CPAMD8: variants seen among roughly 807,000 people sequenced by gnomAD.
CPAMD8 encodes C3 and PZP-like alpha-2-macroglobulin domain-containing protein 8.
Under a neutral mutation model 224.7 loss-of-function variants are expected in CPAMD8, and 146 were observed. The ratio of observed to expected loss-of-function variants is 0.65; its 90% confidence interval spans 0.57 to 0.75. CPAMD8 has a LOEUF of 0.75. Ranked by LOEUF, CPAMD8 falls within the 30% of genes least tolerant of loss-of-function variation. The pLI is 0.00. For synonymous variants in CPAMD8, 966 were observed against 1,044.6 expected (o/e 0.92, Z 1.45); for missense variants, 2,301 against 2,537.5 (o/e 0.91, Z 2.00).
Position 16,899,387 on chromosome 19 carries a change from G to A in CPAMD8, c.4848+88C>T. ...GTCTTTTTTATGGTACAAGATACTT[G>A]CAGGGAGCCACACCAGGCAGTGACC... On this transcript the variant is annotated intron_variant, in intron 37 of 41. Coordinates refer to ENST00000443236, the MANE Select transcript of CPAMD8 (RefSeq NM_015692.5). The surrounding 1 kb of genome is among the most constrained non-coding windows in gnomAD (Gnocchi z 5.4). 1.3e-6 allele frequency: 1 copy of A among 746,416 alleles called. No homozygotes were observed. Among genetic ancestry groups the A allele is most frequent in the South Asian group, 1.4e-5 (1 of 71,300 alleles). 46.2% of individuals were successfully genotyped at this position (746,416 alleles called of 1,614,324 possible).
At chr19:17,019,971 C>CTTTTTTTTTTT (rs569150151) in intron 3 of CPAMD8, among the ~76,000 whole-genome samples, 1 of 97,888 alleles carries the variant, frequency 1.0e-5, no homozygotes. Flanking sequence ...TTTTTCTTTT[C>CTTTTTTTTTTT]TTTTTTTTTT....
intron 22 of CPAMD8, among the ~76,000 whole-genome samples, chr19:16,944,439 CCT>C (rs1568507333): frequency 1.3e-5 from 2 of 152,132 alleles, no homozygotes; most frequent in Admixed American, 6.5e-5. Flanking sequence ...CAAGAGTCCC[CCT>C]GTGTGCATTG....
At chr19:16,906,395 T>TTCC (rs1568459746) in intron 30 of CPAMD8, among the ~76,000 whole-genome samples, 30 of 80,192 alleles carry the variant, frequency 3.7e-4, no homozygotes, top group African/African-American at 1.0e-3. Flanking sequence ...TCTTTCTTTC[T>TTCC]TTCTTTCTTT....
At chr19:17,005,134 G>A (rs2056450713) in intron 7 of CPAMD8, among the ~76,000 whole-genome samples, 1 of 149,068 alleles carries the variant, frequency 6.7e-6, no homozygotes, top group Non-Finnish European at 1.5e-5. Context: ...CTCACCAAAG[G>A]TCAGTAGTAC....
At chr19:16,905,879 G>A (rs2052456797) in intron 30 of CPAMD8, among the ~76,000 whole-genome samples, 2 of 152,254 alleles carry the variant, frequency 1.3e-5, no homozygotes, top group African/African-American at 4.8e-5. Flanking sequence ...AGGGATTGGA[G>A]TCCCAGTGGG....
chr19:16,926,729 T>C (rs1356258410), intron 25 of CPAMD8, among the ~76,000 whole-genome samples: 2 of 152,176 alleles, frequency 1.3e-5, no homozygotes, highest in African/African-American at 2.4e-5. Context: ...CCCCAGCTTT[T>C]TCTCCATCTG....
At chr19:16,915,610 T>C (rs1308280199) in intron 27 of CPAMD8, among the ~76,000 whole-genome samples, 1 of 152,104 alleles carries the variant, frequency 6.6e-6, no homozygotes, top group Non-Finnish European at 1.5e-5. Context: ...GAGTAAGAGC[T>C]GGCAAGGCCA....
intron 11 of CPAMD8, among the ~76,000 whole-genome samples, chr19:16,996,795 G>A (rs916081265): frequency 1.3e-5 from 2 of 149,370 alleles, no homozygotes; most frequent in African/African-American, 2.5e-5. Context: ...CTCCAGCCTG[G>A]GCGATGGAGT....
intron 22 of CPAMD8, among the ~76,000 whole-genome samples, chr19:16,941,946 G>A (rs143331916): frequency 1.2e-3 from 183 of 151,988 alleles, no homozygotes; most frequent in Non-Finnish European, 2.0e-3. Flanking sequence ...GCACTCCAGC[G>A]TGGCGACAGA....
chr19:16,953,262 T>G (rs943334328), intron 19 of CPAMD8, among the ~76,000 whole-genome samples: 4 of 151,548 alleles, frequency 2.6e-5, no homozygotes, highest in African/African-American at 9.7e-5. Context: ...TATAAAACTC[T>G]TAGAAGAAAA....
Position 16,977,439 on chromosome 19 carries a change from A to G in CPAMD8, c.1687T>C (p.Tyr563His), listed in dbSNP as rs1243667586. The stretch of plus-strand genomic sequence containing the variant: ...ACCCCTTCTCCATTCTCCCTGACGT[A>G]GAAGACCAGCAGGCGACCAAGGGGG... ...MVPLGRLLVF[Y>H]VRENGEGVAD... is the part of the protein sequence containing the mutation. The change falls in exon 15 of 42, where the codon TAC (tyrosine) becomes CAC (histidine). Residue 563 changes from tyrosine to histidine, a missense_variant. Physicochemically the swap from Tyr to His is moderately conservative, Grantham distance 83. Transcript: ENST00000443236. The G allele has an allele frequency of 4.3e-6, 7 of 1,612,594 alleles. No homozygotes were observed. Among genetic ancestry groups the G allele is most frequent in the Non-Finnish European group, 3.4e-6 (4 of 1,179,016 alleles).
chr19:16,929,001 T>A lies in CPAMD8; in HGVS notation c.3085A>T (p.Ile1029Phe). ...GTTCTGAATTCATCCCAGGAGAGGA[T>A]CTTGGCCGTGTGTGCACTGGCCACG... Reference protein sequence around the residue: ...EPVASAHTAKILSWDEFRTFW... With the variant: ...EPVASAHTAKFLSWDEFRTFW... The change falls in exon 24 of 42, where the codon ATC becomes TTC. Residue 1029 changes from isoleucine to phenylalanine, a missense_variant. By Grantham distance (21) the Ile-to-Phe change is conservative. Coordinates refer to ENST00000443236, the MANE Select transcript of CPAMD8 (RefSeq NM_015692.5). 1 of 1,614,046 alleles carries A rather than the reference T, an allele frequency of 6.2e-7. No homozygotes were observed. The highest frequency in any genetic ancestry group is 8.5e-7 in the Non-Finnish European group (1 of 1,179,996).
intron 13 of CPAMD8, among the ~76,000 whole-genome samples, 191 bp downstream of exon 13, chr19:16,989,452 A>G (rs1274046065): frequency 2.0e-5 from 3 of 151,858 alleles, no homozygotes; most frequent in African/African-American, 7.3e-5. Context: ...ACACTCAGCT[A>G]ATTTTTGTAT....
At chr19:17,024,572 G>A (rs1278191589) in intron 1 of CPAMD8, among the ~76,000 whole-genome samples, 2 of 152,160 alleles carry the variant, frequency 1.3e-5, no homozygotes, top group Non-Finnish European at 2.9e-5. Context: ...TGTTCATTTT[G>A]CTTGGTCACC....
At position 16,958,312 on chromosome 19, in the gene CPAMD8, C is replaced by T. The variant is rs116464487; in HGVS notation, c.2214-397G>A. On this transcript the variant is annotated intron_variant, in intron 18 of 41. Coordinates refer to ENST00000443236, the MANE Select transcript of CPAMD8 (RefSeq NM_015692.5). ...CTCAAGTAGACCTGTGTCTGTTCCC[C>T]CTTTTGTTTCCATGTGTTCTCATCA... 7.1e-3 allele frequency among the ~76,000 whole-genome samples: 1,075 copies of T among 152,148 alleles called. 15 individuals are homozygous for T. Among genetic ancestry groups the T allele is most frequent in the African/African-American group, 0.023 (962 of 41,496 alleles).
chr19:16,972,582 C>T (rs1436792144), intron 17 of CPAMD8, among the ~76,000 whole-genome samples: 3 of 151,936 alleles, frequency 2.0e-5, no homozygotes, highest in Non-Finnish European at 4.4e-5. Context: ...CTACTGGCGC[C>T]CGCCACCACG....
In CPAMD8 at chr19:16,977,389, G is replaced by C. The variant is rs557039734; in HGVS notation, c.1737C>G (p.Val579=). 5 of 1,611,732 alleles carry C rather than the reference G, an allele frequency of 3.1e-6. No homozygotes were observed. The highest frequency in any genetic ancestry group is 2.2e-5 in the South Asian group (2 of 90,948). The part of the protein sequence containing the change: ...EGVADSLQFA[V]ETFFENQVSV... The stretch of plus-strand genomic sequence containing the variant: ...CTACCTGGTTTTCGAAGAAGGTCTC[G>C]ACTGCAAACTGAAGGCTGTCGGCGA... The change falls in exon 15 of 42, where the codon GTC becomes GTG. Residue 579 remains valine (V), a synonymous_variant. Transcript: ENST00000443236.
intron 3 of CPAMD8, among the ~76,000 whole-genome samples, chr19:17,016,270 T>G (rs1415940286): frequency 6.6e-6 from 1 of 152,166 alleles, no homozygotes; most frequent in African/African-American, 2.4e-5. Context: ...CTAAGGATCT[T>G]AAGCATCTTT....
chr19:16,916,806 G>A lies in CPAMD8; in HGVS notation c.3630-1993C>T, dbSNP rs1030063386. The stretch of plus-strand genomic sequence containing the variant: ...AATATACCCAAAGCTCATCCAGGCC[G>A]TTCTCCCTCTCAGGTACCTCAAATG... On this transcript the variant is annotated intron_variant, in intron 27 of 41. Transcript: ENST00000443236. 5.3e-5 allele frequency among the ~76,000 whole-genome samples: 8 copies of A among 152,044 alleles called. No individual in the cohort carries two copies. The East Asian group carries it at 5.8e-4, about 11-fold the overall frequency.
Sources: gnomAD v4.1 joint callset for allele counts (sites outside exome capture counted in the v4.1 genomes callset) on GRCh38, gnomAD v4.1.1 for gene constraint, Gnocchi (gnomAD v3.1) non-coding constraint, MANE v1.5 for transcripts, NCBI Gene and HGNC (gene_info 2026-07-23, HGNC 2026-07-21) for gene names.